The following NRG1 variants were observed in gnomAD, a reference collection of about 807,000 sequenced individuals.
NRG1 encodes the protein pro-neuregulin-1, membrane-bound isoform.
In NRG1, 18 loss-of-function variants were observed where a neutral mutation model predicts 63.8. That is an observed-to-expected ratio of 0.28 (90% CI 0.19 to 0.42). NRG1 has a LOEUF of 0.42. Among genes scored for constraint, NRG1 ranks in the 10% least tolerant of loss-of-function variants. NRG1 has a pLI of 1.00. For missense variants in NRG1, 762 were observed against 814.7 expected, an observed-to-expected ratio of 0.94 and a Z score of 0.79; for synonymous variants, 302 against 301.3, an observed-to-expected ratio of 1.00 and a Z score of -0.02.
At chr8:32,333,302 G>C (rs1310223813) in intron 1 of NRG1, among the ~76,000 whole-genome samples, 3 of 152,104 alleles carry the variant, frequency 2.0e-5, no homozygotes, top group African/African-American at 7.2e-5. Context: ...ACCTGGCAAA[G>C]CCCTAATTTA....
At chr8:32,309,497 G>A (rs1459224236) in intron 1 of NRG1, among the ~76,000 whole-genome samples, 1 of 152,176 alleles carries the variant, frequency 6.6e-6, no homozygotes, top group Non-Finnish European at 1.5e-5. Context: ...TTAATCAAAT[G>A]TGTATACTTT....
intron 1 of NRG1, among the ~76,000 whole-genome samples, chr8:32,293,718 CTTTTTTTTT>C (rs770993591): frequency 9.2e-6 from 1 of 108,278 alleles, no homozygotes; most frequent in African/African-American, 3.7e-5. Flanking sequence ...TTTTCTTCTT[CTTTTTTTTT>C]TTTTTTTTTT....
At chr8:32,616,750 C>A in intron 4 of NRG1, 85 bp from the exon 5 acceptor site, 2 of 986,732 alleles carry the variant, frequency 2.0e-6, no homozygotes, top group Admixed American at 1.7e-5. Flanking sequence ...TTTTACTAGG[C>A]GATACCCAAG....
chr8:31,787,140 C>A (rs1820250983), intron 1 of NRG1, among the ~76,000 whole-genome samples: 1 of 152,148 alleles, frequency 6.6e-6, no homozygotes, highest in Admixed American at 6.5e-5. Context: ...GGATGAAGAC[C>A]AAACATGTAT....
chr8:32,006,957 T>C lies in NRG1; in HGVS notation c.37+367526T>C, dbSNP rs145017958. Reference sequence around the variant, plus strand: ...GTAATATAGAGGCAGACAATAAATATAGCATCTAAAACCAGTAGCTGTTTA... The same window carrying C: ...GTAATATAGAGGCAGACAATAAATACAGCATCTAAAACCAGTAGCTGTTTA... On this transcript the variant is annotated intron_variant, in intron 1 of 10. Coordinates refer to the NRG1 transcript ENST00000519301. Among the ~76,000 whole-genome samples, 1,499 of 151,846 alleles carry C rather than the reference T, an allele frequency of 9.9e-3. 12 individuals carry two copies. Among genetic ancestry groups the C allele is most frequent in the Middle Eastern group, 0.024 (7 of 294 alleles).
intron 1 of NRG1, among the ~76,000 whole-genome samples, chr8:31,728,903 T>A (rs1813728663): frequency 1.3e-5 from 2 of 152,140 alleles, no homozygotes; most frequent in East Asian, 3.9e-4. Flanking sequence ...GTATTGAAAT[T>A]TTTTGGTGAG....
intron 1 of NRG1, among the ~76,000 whole-genome samples, chr8:32,148,239 G>A (rs1837114416): frequency 6.6e-6 from 1 of 152,086 alleles, no homozygotes; most frequent in African/African-American, 2.4e-5. Context: ...TATCCAGGTA[G>A]ACACAGCCAG....
intron 1 of NRG1, among the ~76,000 whole-genome samples, chr8:32,155,012 A>G (rs1471764806): frequency 6.6e-6 from 1 of 152,220 alleles, no homozygotes. Context: ...CAAAATTCAC[A>G]TCAGCTTAAA....
At chr8:31,997,132 AT>A (rs576748232) in intron 1 of NRG1, among the ~76,000 whole-genome samples, 69 of 149,784 alleles carry the variant, frequency 4.6e-4, no homozygotes, top group Non-Finnish European at 8.7e-4. Context: ...TAATATGGGC[AT>A]TTTTTTATCA....
At chr8:32,247,184 C>T (rs1848666048) in intron 1 of NRG1, among the ~76,000 whole-genome samples, 1 of 152,024 alleles carries the variant, frequency 6.6e-6, no homozygotes, top group African/African-American at 2.4e-5. Flanking sequence ...ACCAAGTTAA[C>T]ATTTTAAAAA....
At chr8:32,713,384 G>A (rs766972434) in intron 5 of NRG1, among the ~76,000 whole-genome samples, 1 of 152,058 alleles carries the variant, frequency 6.6e-6, no homozygotes, top group Non-Finnish European at 1.5e-5. Context: ...AAACTATCCT[G>A]TGACTATCTA....
chr8:32,220,056 G>A (rs371113940), intron 1 of NRG1, among the ~76,000 whole-genome samples: 6 of 152,136 alleles, frequency 3.9e-5, no homozygotes, highest in African/African-American at 1.4e-4. Context: ...GGAATTCCTC[G>A]TAGGTTTAAG....
chr8:32,587,865 T>C (rs141973796), intron 1 of NRG1, among the ~76,000 whole-genome samples: 3 of 152,254 alleles, frequency 2.0e-5, no homozygotes, highest in Admixed American at 1.3e-4. Context: ...TTTGATTTCG[T>C]AGGGATAAAT....
At chr8:32,007,969 A>G (rs915131351) in intron 1 of NRG1, among the ~76,000 whole-genome samples, 1 of 151,986 alleles carries the variant, frequency 6.6e-6, no homozygotes, top group East Asian at 1.9e-4. Flanking sequence ...AGGATTTAGG[A>G]AAAACTGCTG....
At chr8:32,474,780 A>G (rs536046156) in intron 1 of NRG1, among the ~76,000 whole-genome samples, 1 of 152,160 alleles carries the variant, frequency 6.6e-6, no homozygotes, top group South Asian at 2.1e-4. Flanking sequence ...CTGGGATTAC[A>G]GGCGTGAGCC....
intron 1 of NRG1, among the ~76,000 whole-genome samples, chr8:31,747,914 A>G (rs951113661): frequency 6.6e-6 from 1 of 151,918 alleles, no homozygotes; most frequent in African/African-American, 2.4e-5. Flanking sequence ...TTTAGTCTGA[A>G]GGCTGAATGA....
chr8:32,760,777 C>G, intron 11 of NRG1: 1 of 1,015,068 alleles, frequency 9.9e-7, no homozygotes, highest in Non-Finnish European at 1.2e-6. Context: ...TTCTATAATT[C>G]CAATTGCCAG....
intron 1 of NRG1, among the ~76,000 whole-genome samples, chr8:32,578,558 C>T (rs1327805260): frequency 7.3e-6 from 1 of 137,454 alleles, no homozygotes; most frequent in African/African-American, 2.7e-5. Flanking sequence ...CAGAGGTCCA[C>T]TGCATTGCTG....
chr8:32,596,599 C>CAAAAA (rs5890663), intron 2 of NRG1, among the ~76,000 whole-genome samples: 1 of 139,188 alleles, frequency 7.2e-6, no homozygotes. Flanking sequence ...GACTCCATCT[C>CAAAAA]AAAAAAAAAA....
Sources: gnomAD v4.1 joint callset for allele counts (sites outside exome capture counted in the v4.1 genomes callset) on GRCh38, gnomAD v4.1.1 for gene constraint, MANE v1.5 for transcripts, NCBI Gene and HGNC (gene_info 2026-07-23, HGNC 2026-07-21) for gene names.